Variants in ROR1 observed in about 807,000 individuals in gnomAD.
ROR1 encodes ROR family WNT receptor 1.
In ROR1, 19 loss-of-function variants were observed where a neutral mutation model predicts 78.8. The observed-to-expected ratio is 0.24, with a 90% confidence interval of 0.17 to 0.35. The LOEUF is 0.35. ROR1 is among the 10% of genes least tolerant of loss of function. ROR1 has a pLI of 1.00. For synonymous variants in ROR1, 386 were observed against 433.6 expected (o/e 0.89, Z 1.36); for missense variants, 917 against 1,177.8 (o/e 0.78, Z 3.24).
chr1:63,854,663 T>G (rs1240509153), intron 1 of ROR1, among the ~76,000 whole-genome samples: 1 of 152,220 alleles, frequency 6.6e-6, no homozygotes, highest in Non-Finnish European at 1.5e-5. Context: ...TAGGTAGAGA[T>G]AGAACATGTC....
intron 4 of ROR1, among the ~76,000 whole-genome samples, chr1:64,068,043 G>GA (rs1646973200): frequency 1.3e-5 from 2 of 152,092 alleles, no homozygotes; most frequent in African/African-American, 4.8e-5. Flanking sequence ...TGCATAAATT[G>GA]AAAAGCAACA....
At position 63,865,422 on chromosome 1, in the gene ROR1, CAACA is replaced by C. The variant is rs1460774003; in HGVS notation, c.91+90918_91+90921del. Among the ~76,000 whole-genome samples the C allele has an allele frequency of 3.9e-5, 6 of 152,286 alleles. No homozygotes were observed. In the South Asian group the frequency reaches 6.2e-4, roughly 16 times the overall value. ...CCATCTATCTCATCCTTATATACTGCAACAAACTTCTGATATTATTTCAATTGCA... is the reference window on the plus strand; with the variant it reads ...CCATCTATCTCATCCTTATATACTGCAACTTCTGATATTATTTCAATTGCA... On this transcript the variant is annotated intron_variant, in intron 1 of 8. Coordinates refer to ENST00000371079, the MANE Select transcript of ROR1 (RefSeq NM_005012.4).
chr1:63,974,354 A>G (rs1270001928), intron 1 of ROR1, among the ~76,000 whole-genome samples: 1 of 152,218 alleles, frequency 6.6e-6, no homozygotes, highest in Non-Finnish European at 1.5e-5. Flanking sequence ...TGAGAAAAAA[A>G]ATAAAAGAAC....
chr1:63,829,871 C>T (rs1040489982), intron 1 of ROR1, among the ~76,000 whole-genome samples: 22 of 152,062 alleles, frequency 1.4e-4, no homozygotes, highest in Admixed American at 1.4e-3. Context: ...CTTATTTCCT[C>T]GCCAAGGAAC....
chr1:63,883,204 A>G (rs1277939684), intron 1 of ROR1, among the ~76,000 whole-genome samples: 1 of 152,104 alleles, frequency 6.6e-6, no homozygotes, highest in Non-Finnish European at 1.5e-5. Context: ...AGGTCCTTCC[A>G]ACTCTGAGAT....
chr1:64,024,891 TTATCTC>T (rs1467307341), intron 2 of ROR1, among the ~76,000 whole-genome samples: 3 of 152,234 alleles, frequency 2.0e-5, no homozygotes, highest in Non-Finnish European at 2.9e-5. Context: ...AGTAGCCAGT[TTATCTC>T]TAACATATTA....
At chr1:64,019,647 C>T (rs923096102) in intron 2 of ROR1, among the ~76,000 whole-genome samples, 2 of 152,118 alleles carry the variant, frequency 1.3e-5, no homozygotes, top group Non-Finnish European at 2.9e-5. Flanking sequence ...TACCATCTAT[C>T]GAGGGCTTAT....
At chr1:64,133,344 T>G (rs1184677536) in intron 4 of ROR1, among the ~76,000 whole-genome samples, 2 of 152,158 alleles carry the variant, frequency 1.3e-5, no homozygotes, top group Non-Finnish European at 2.9e-5. Context: ...AGAACTAGAT[T>G]ATGAAGTCTC....
chr1:63,960,384 G>A (rs935059515), intron 1 of ROR1, among the ~76,000 whole-genome samples: 3 of 152,184 alleles, frequency 2.0e-5, no homozygotes, highest in Non-Finnish European at 2.9e-5. Context: ...GCAGCTCTGT[G>A]GTCAAGACCG....
intron 4 of ROR1, among the ~76,000 whole-genome samples, chr1:64,071,553 C>G (rs1291428193): frequency 6.6e-6 from 1 of 151,882 alleles, no homozygotes; most frequent in Admixed American, 6.6e-5. Context: ...CCGTTCTGGT[C>G]CACTCCCCCC....
chr1:64,008,581 A>G (rs1171868305), intron 1 of ROR1, among the ~76,000 whole-genome samples: 2 of 152,150 alleles, frequency 1.3e-5, no homozygotes, highest in African/African-American at 4.8e-5. Flanking sequence ...TTCCCCCAAC[A>G]GTGTATTAGC....
rs1393263689 is a variant in ROR1, at chr1:64,049,842, C to G, written c.315C>G (p.Leu105=). 1 of 1,614,104 alleles carries G rather than the reference C, an allele frequency of 6.2e-7. No individual in the cohort carries two copies. Among genetic ancestry groups the G allele is most frequent in the African/African-American group, 1.3e-5 (1 of 74,940 alleles). Reference sequence around the variant, plus strand: ...CTGTGGTCCAGGAGCCCCGGAGGCTCTCCTTTCGGTCCACCATCTATGGCT... The same window carrying G: ...CTGTGGTCCAGGAGCCCCGGAGGCTGTCCTTTCGGTCCACCATCTATGGCT... ...DAPVVQEPRR[L]SFRSTIYGSR... is the part of the protein sequence containing the mutation. The change falls in exon 3 of 9, where the codon CTC becomes CTG. Residue 105 remains leucine, a synonymous_variant. Transcript: ENST00000371079.
intron 1 of ROR1, among the ~76,000 whole-genome samples, chr1:63,791,976 C>G (rs989042901): frequency 2.6e-5 from 4 of 152,170 alleles, no homozygotes; most frequent in African/African-American, 9.6e-5. Context: ...GTGAACAAAA[C>G]AAAGACCCTG....
intron 4 of ROR1, among the ~76,000 whole-genome samples, chr1:64,125,406 TTA>T (rs1369374548): frequency 2.6e-5 from 4 of 152,186 alleles, no homozygotes; most frequent in African/African-American, 9.7e-5. Context: ...CCAAAGATGT[TTA>T]TGTCTTTTCA....
chr1:64,124,825 C>T (rs1648657494), intron 4 of ROR1, among the ~76,000 whole-genome samples: 1 of 152,182 alleles, frequency 6.6e-6, no homozygotes, highest in Non-Finnish European at 1.5e-5. Context: ...AGCATGAACA[C>T]TAGGAGTTTC....
At chr1:64,146,407 C>T (rs570876937) in intron 7 of ROR1, among the ~76,000 whole-genome samples, 14 of 152,164 alleles carry the variant, frequency 9.2e-5, no homozygotes, top group South Asian at 8.3e-4. Flanking sequence ...ACTTGGGAGG[C>T]GGAGGTTGCA....
chr1:63,867,457 C>A (rs1645223293), intron 1 of ROR1, among the ~76,000 whole-genome samples: 1 of 152,110 alleles, frequency 6.6e-6, no homozygotes, highest in Non-Finnish European at 1.5e-5. Context: ...TAGTCCCAGT[C>A]ATGTTCCTTT....
chr1:63,955,304 G>A (rs1645972201), intron 1 of ROR1, among the ~76,000 whole-genome samples: 1 of 152,082 alleles, frequency 6.6e-6, no homozygotes, highest in Non-Finnish European at 1.5e-5. Flanking sequence ...AATCCTTTTG[G>A]GGAGTTTGCT....
chr1:63,885,969 T>A (rs758007048), intron 1 of ROR1, among the ~76,000 whole-genome samples: 27 of 152,098 alleles, frequency 1.8e-4, no homozygotes, highest in Non-Finnish European at 2.6e-4. Context: ...CTCACCATAA[T>A]GTAGAATCGG....
Sources: gnomAD v4.1 joint callset for allele counts (sites outside exome capture counted in the v4.1 genomes callset) on GRCh38, gnomAD v4.1.1 for gene constraint, MANE v1.5 for transcripts, NCBI Gene and HGNC (gene_info 2026-07-23, HGNC 2026-07-21) for gene names.